Variants in CDH13 observed in about 807,000 individuals in gnomAD.
CDH13 encodes cadherin 13.
In CDH13, 24 loss-of-function variants were observed where a neutral mutation model predicts 63.8. That is an observed-to-expected ratio of 0.38 (90% confidence interval 0.27 to 0.53). The LOEUF (loss-of-function observed/expected upper bound fraction) is 0.53, where lower values mean the gene tolerates loss of function less well. Ranked by LOEUF, CDH13 falls within the 20% of genes least tolerant of loss-of-function variation. The pLI is 0.85. For synonymous variants in CDH13, 503 were observed against 355.3 expected (o/e 1.42, Z -4.67); for missense variants, 1,049 against 903.1 (o/e 1.16, Z -2.07).
At chr16:82,832,369 T>A (rs539774629) in intron 1 of CDH13, among the ~76,000 whole-genome samples, 18 of 152,308 alleles carry the variant, frequency 1.2e-4, no homozygotes, top group Admixed American at 3.9e-4. Context: ...TTTTCATAGT[T>A]TTCAGTGTTT....
At chr16:82,918,910 A>G (rs2042074324) in intron 2 of CDH13, among the ~76,000 whole-genome samples, 1 of 152,218 alleles carries the variant, frequency 6.6e-6, no homozygotes, top group Non-Finnish European at 1.5e-5. Context: ...ACCATTTATT[A>G]TACCTGTTTG....
At chr16:82,836,456 T>A (rs976712496) in intron 1 of CDH13, among the ~76,000 whole-genome samples, 1 of 152,146 alleles carries the variant, frequency 6.6e-6, no homozygotes, top group African/African-American at 2.4e-5. Flanking sequence ...GGCCAAGACG[T>A]AATTATTAAA....
At chr16:82,675,666 T>C (rs1448468829) in intron 1 of CDH13, among the ~76,000 whole-genome samples, 1 of 152,192 alleles carries the variant, frequency 6.6e-6, no homozygotes, top group Non-Finnish European at 1.5e-5. Context: ...GGACTCACGT[T>C]CCTGCTTTTG....
intron 5 of CDH13, among the ~76,000 whole-genome samples, chr16:83,311,241 C>G (rs1321398379): frequency 6.6e-6 from 1 of 152,162 alleles, no homozygotes; most frequent in Non-Finnish European, 1.5e-5. Flanking sequence ...TCCATGACCT[C>G]CTTTGGGGCT....
chr16:83,336,096 T>C (rs1445368327), intron 5 of CDH13, among the ~76,000 whole-genome samples: 4 of 151,444 alleles, frequency 2.6e-5, no homozygotes, highest in Non-Finnish European at 4.4e-5. Context: ...AGGTCAGGAG[T>C]TCGAGACCCG....
intron 6 of CDH13, among the ~76,000 whole-genome samples, chr16:83,416,624 T>A (rs2071558064): frequency 6.6e-6 from 1 of 152,166 alleles, no homozygotes; most frequent in Non-Finnish European, 1.5e-5. Context: ...ATCTCTGACC[T>A]CCCTCCTGAG....
chr16:83,445,286 AAGGT>A (rs2072649444), intron 6 of CDH13, among the ~76,000 whole-genome samples: 1 of 136,300 alleles, frequency 7.3e-6, no homozygotes, highest in African/African-American at 2.6e-5. Flanking sequence ...TAATTTATAA[AAGGT>A]TTTATAAATT....
chr16:82,832,995 T>C (rs1251707944), intron 1 of CDH13, among the ~76,000 whole-genome samples: 1 of 152,200 alleles, frequency 6.6e-6, no homozygotes, highest in Non-Finnish European at 1.5e-5. Flanking sequence ...ATATGTGTTA[T>C]GTGAGTGAGC....
chr16:83,272,573 C>T (rs1017616955), intron 5 of CDH13, among the ~76,000 whole-genome samples: 21 of 152,168 alleles, frequency 1.4e-4, no homozygotes, highest in African/African-American at 4.3e-4. Flanking sequence ...GTCCGGGGCT[C>T]ATCAAATTTT....
chr16:82,947,228 A>G (rs1332058567), intron 2 of CDH13, among the ~76,000 whole-genome samples: 1 of 152,168 alleles, frequency 6.6e-6, no homozygotes, highest in Non-Finnish European at 1.5e-5. Context: ...TGTCAAATGC[A>G]TCAGTTGGCA....
intron 6 of CDH13, among the ~76,000 whole-genome samples, chr16:83,386,737 G>A (rs1374145770): frequency 1.3e-5 from 2 of 152,202 alleles, no homozygotes; most frequent in African/African-American, 4.8e-5. Flanking sequence ...AACCATGGTG[G>A]CTTAAACAGT....
At chr16:82,864,420 T>C (rs796181919) in intron 2 of CDH13, among the ~76,000 whole-genome samples, 25 of 152,292 alleles carry the variant, frequency 1.6e-4, no homozygotes, top group African/African-American at 5.8e-4. Context: ...TCAGCATGGC[T>C]GAGGGGTGGC....
intron 2 of CDH13, among the ~76,000 whole-genome samples, chr16:82,977,718 C>T (rs905821096): frequency 1.3e-5 from 2 of 152,094 alleles, no homozygotes; most frequent in East Asian, 3.9e-4. Context: ...CAAATTGGTT[C>T]TGAGGGAGCA....
intron 1 of CDH13, chr16:82,824,386 G>T (rs2038144670): frequency 6.6e-6 from 1 of 152,068 alleles, no homozygotes; most frequent in Admixed American, 6.5e-5. Flanking sequence ...TGGATGAAGA[G>T]AGTTTCTCTT....
chr16:82,903,619 C>A (rs2041543508), intron 2 of CDH13, among the ~76,000 whole-genome samples: 1 of 152,182 alleles, frequency 6.6e-6, no homozygotes, highest in East Asian at 1.9e-4. Flanking sequence ...CTGGAAAATG[C>A]TTCTCACAGT....
intron 7 of CDH13, among the ~76,000 whole-genome samples, chr16:83,596,934 A>G (rs1209900168): frequency 2.6e-5 from 4 of 152,200 alleles, no homozygotes; most frequent in Non-Finnish European, 5.9e-5. Flanking sequence ...TTAAAAGTGA[A>G]AACTTGGGCA....
intron 7 of CDH13, among the ~76,000 whole-genome samples, chr16:83,528,312 G>A (rs749835679): frequency 6.6e-6 from 1 of 152,304 alleles, no homozygotes; most frequent in African/African-American, 2.4e-5. Context: ...ATGGGAAACT[G>A]TATTTAGAGA....
intron 2 of CDH13, among the ~76,000 whole-genome samples, chr16:82,912,230 A>ATATGTTGCTTTCCACACATCT (rs6145918): frequency 6.6e-6 from 1 of 151,866 alleles, no homozygotes; most frequent in Non-Finnish European, 1.5e-5. Flanking sequence ...CTGCATGTTA[A>ATATGTTGCTTTCCACACATCT]TATTTTCTTA....
At chr16:83,345,097 C>A in intron 6 of CDH13, 91 bp downstream of exon 6, 2 of 1,417,432 alleles carry the variant, frequency 1.4e-6, no homozygotes, top group Non-Finnish European at 1.9e-6. Context: ...TATGGCTGTT[C>A]CAACTTGTCA....
Sources: allele counts gnomAD v4.1 joint callset (sites outside exome capture counted in the v4.1 genomes callset), GRCh38; gene constraint gnomAD v4.1.1; transcripts MANE v1.5; gene names NCBI Gene and HGNC (gene_info 2026-07-23, HGNC 2026-07-21).